Variants in CDC42BPB observed in about 807,000 individuals in gnomAD.
CDC42BPB encodes the protein CDC42 binding protein kinase beta, also known as serine/threonine-protein kinase MRCK beta.
In CDC42BPB, 37 loss-of-function variants were observed where a neutral mutation model predicts 214.9. That is an observed-to-expected ratio of 0.17 (90% CI 0.13 to 0.23). CDC42BPB has a LOEUF of 0.23. CDC42BPB is among the 10% of genes least tolerant of loss of function. The probability of loss-of-function intolerance (pLI) is 1.00; values close to 1 mark genes in which losing one functional copy is unlikely to be tolerated. For synonymous variants in CDC42BPB, 931 were observed against 884.0 expected, an observed-to-expected ratio of 1.05 and a Z score of -0.94; for missense variants, 1,694 against 2,227.0, an observed-to-expected ratio of 0.76 and a Z score of 4.82.
In CDC42BPB at chr14:102,945,737, A is replaced by G. The variant is rs1367559822; in HGVS notation, c.3749-13T>C. The G allele has an allele frequency of 1.2e-6, 2 of 1,611,902 alleles. No individual in the cohort carries two copies. The highest frequency in any genetic ancestry group is 1.7e-6 in the Non-Finnish European group (2 of 1,179,100). ...ATCCTGTCTGCATCTGTGGAGGGGT[A>G]AGTAACATACACAAAGTCAGTACAG... On this transcript the variant is annotated splice_polypyrimidine_tract_variant and intron_variant, in intron 28 of 36. Coordinates refer to ENST00000361246, the MANE Select transcript of CDC42BPB (RefSeq NM_006035.4).
At chr14:103,013,756 C>A (rs186653739) in intron 1 of CDC42BPB, among the ~76,000 whole-genome samples, 1 of 152,342 alleles carries the variant, frequency 6.6e-6, no homozygotes, top group South Asian at 2.1e-4. Flanking sequence ...CCGGAGCCTG[C>A]GAGGGACATG....
In CDC42BPB at chr14:103,057,227, G is replaced by C. The variant is rs1193447689; in HGVS notation, c.-54C>G. Reference sequence around the variant, plus strand: ...CGGCCTCTCACCGCCGGCTCGGCCAGTCCGTCAGGGCGCGCCCTCGGGGGC... The same window carrying C: ...CGGCCTCTCACCGCCGGCTCGGCCACTCCGTCAGGGCGCGCCCTCGGGGGC... On this transcript the variant is annotated 5_prime_UTR_variant, in exon 1 of 37. Transcript: ENST00000361246. 6.3e-6 allele frequency: 8 copies of C among 1,263,240 alleles called. No individual in the cohort carries two copies. Among genetic ancestry groups the C allele is most frequent in the Non-Finnish European group, 7.0e-6 (7 of 1,001,844 alleles). 78.3% of individuals were successfully genotyped at this position (1,263,240 alleles called of 1,614,324 possible). A position where few individuals can be genotyped will look rare whatever the true frequency, so the allele number is the denominator to read the frequency against.
At chr14:102,963,359 A>T (rs1409779261) in intron 19 of CDC42BPB, 2 of 890,962 alleles carry the variant, frequency 2.2e-6, no homozygotes, top group Non-Finnish European at 2.7e-6. Context: ...CAGGAATTTA[A>T]AAAGTCATGG....
Position 102,968,313 on chromosome 14 carries a change from G to A in CDC42BPB, c.2286C>T (p.Tyr762=), listed in dbSNP as rs144299645. Residue 762 remains tyrosine (Y), a synonymous_variant, in exon 16 of 37, where the codon TAC becomes TAT. Coordinates refer to ENST00000361246, the MANE Select transcript of CDC42BPB (RefSeq NM_006035.4). ...CAAACAGCATCGCTCTTTCTCGTTC[G>A]TATTTATCTTTTATTGTACCTACTG... The part of the protein sequence containing the change: ...EEAVGTIKDK[Y]ERERAMLFDE... 51 of 1,613,748 alleles carry A rather than the reference G, an allele frequency of 3.2e-5. No individual in the cohort carries two copies. The African/African-American group carries it at 4.7e-4, about 15-fold the overall frequency.
At chr14:103,044,108 G>A (rs1305886725) in intron 1 of CDC42BPB, among the ~76,000 whole-genome samples, 2 of 152,148 alleles carry the variant, frequency 1.3e-5, no homozygotes, top group Admixed American at 1.3e-4. Flanking sequence ...TTTGAATTCA[G>A]TTTCATTTTA....
intron 7 of CDC42BPB, 61 bp from the exon 8 acceptor site, chr14:102,981,082 A>C: frequency 6.2e-7 from 1 of 1,602,528 alleles, no homozygotes; most frequent in Non-Finnish European, 8.5e-7. Context: ...TTTAAGGTGT[A>C]CAGATATGAT....
chr14:102,933,519 C>G lies in CDC42BPB; in HGVS notation c.*193G>C, dbSNP rs1254310825. 2 of 480,644 alleles carry G rather than the reference C, an allele frequency of 4.2e-6. No individual in the cohort carries two copies. Among genetic ancestry groups the G allele is most frequent in the African/African-American group, 4.1e-5 (2 of 49,218 alleles). 29.8% of individuals were successfully genotyped at this position (480,644 alleles called of 1,614,324 possible). A position where few individuals can be genotyped will look rare whatever the true frequency, so the allele number is the denominator to read the frequency against. On this transcript the variant is annotated 3_prime_UTR_variant, in exon 37 of 37. Transcript: ENST00000361246. ...ATCGCCTCACAGCTGTGCAGACGAACAGATGTGGTCTACTGCCACGAACAA... is the reference window on the plus strand; with the variant it reads ...ATCGCCTCACAGCTGTGCAGACGAAGAGATGTGGTCTACTGCCACGAACAA...
intron 1 of CDC42BPB, among the ~76,000 whole-genome samples, chr14:103,049,790 T>C (rs748199095): frequency 3.9e-5 from 6 of 152,254 alleles, no homozygotes; most frequent in Non-Finnish European, 8.8e-5. Flanking sequence ...CTCGGCTCAC[T>C]GCAACCTCCG....
intron 12 of CDC42BPB, among the ~76,000 whole-genome samples, chr14:102,972,960 G>C (rs1221568198): frequency 6.6e-6 from 1 of 152,208 alleles, no homozygotes; most frequent in Non-Finnish European, 1.5e-5. Context: ...TCGCTGGACA[G>C]CCTGCCCTTC....
chr14:102,941,175 C>T, intron 30 of CDC42BPB: 1 of 985,468 alleles, frequency 1.0e-6, no homozygotes, highest in Non-Finnish European at 1.2e-6. Flanking sequence ...CTCAGCGTAG[C>T]TTGGCTCCTG....
rs1000246825 is a variant in CDC42BPB, at chr14:102,932,617, C to G, written c.*1095G>C. 2.0e-5 allele frequency: 3 copies of G among 152,350 alleles called. No homozygotes were observed. The allele number at this position is 152,350 out of a possible 1,614,324, so 9.4% of individuals were successfully genotyped here. On this transcript the variant is annotated 3_prime_UTR_variant, in exon 37 of 37. Coordinates refer to ENST00000361246, the MANE Select transcript of CDC42BPB (RefSeq NM_006035.4). ...CGTCCTGAACAGCCTTGCCAAGCAG[C>G]CGACCGGTGGGAGGACAGGGGAAGC... is the stretch of plus-strand genomic sequence containing the variant.
intron 1 of CDC42BPB, among the ~76,000 whole-genome samples, chr14:103,038,843 A>G (rs901403148): frequency 1.3e-5 from 2 of 152,052 alleles, no homozygotes; most frequent in African/African-American, 2.4e-5. Context: ...ATTATGGTAA[A>G]ATATACGTAA....
chr14:102,959,901 G>C (rs1481798419), intron 20 of CDC42BPB, 191 bp from the exon 21 acceptor site: 1 of 925,440 alleles, frequency 1.1e-6, no homozygotes, highest in African/African-American at 1.9e-5. Context: ...GAATCAAAAA[G>C]TTCACTTGAA....
At position 102,975,759 on chromosome 14, in the gene CDC42BPB, G is replaced by C; in HGVS notation, c.1432C>G (p.Leu478Val). The C allele has an allele frequency of 6.2e-7, 1 of 1,614,136 alleles. No individual in the cohort carries two copies. The highest frequency in any genetic ancestry group is 8.5e-7 in the Non-Finnish European group (1 of 1,179,986). The change falls in exon 11 of 37, where the codon CTC becomes GTC. Residue 478 changes from leucine to valine, a missense_variant. Physicochemically the swap from Leu to Val is conservative, Grantham distance 32 (BLOSUM62 1). Around this residue, in one of 7 missense-constraint regions of CDC42BPB, gnomAD observed 462 missense variants for 513.5 expected, o/e 0.90. Coordinates refer to ENST00000361246, the MANE Select transcript of CDC42BPB (RefSeq NM_006035.4). ...VQSLHGSSRA[L>V]SNSNRDKEIK... The stretch of plus-strand genomic sequence containing the variant: ...TCTTTATCTCGGTTTGAATTGCTGA[G>C]GGCCCGAGATGAGCCGTGGAGGGAC...
rs1469719693 is a variant in CDC42BPB, at chr14:102,938,401, G to A, written c.4838C>T (p.Pro1613Leu). The A allele has an allele frequency of 5.2e-6, 8 of 1,543,696 alleles. No homozygotes were observed. Among genetic ancestry groups the A allele is most frequent in the Non-Finnish European group, 6.9e-6 (8 of 1,151,600 alleles). Residue 1613 changes from proline (P) to leucine (L), a missense_variant, in exon 35 of 37, where the codon CCC becomes CTC. Physicochemically the swap from Pro to Leu is moderately conservative, Grantham distance 98. Around this residue, in one of 7 missense-constraint regions of CDC42BPB, gnomAD observed 146 missense variants for 134.1 expected, o/e 1.09. Transcript: ENST00000361246. ...GCCCGGCCTTTCCTCCTGGGAGGGG[G>A]GCACAGCACTCTGGGCAGAAATAGC... ...VLMDLPLSAV[P>L]PSQEERPGPA...
chr14:102,968,122 T>A, intron 16 of CDC42BPB, 131 bp downstream of exon 16: 1 of 642,746 alleles, frequency 1.6e-6, no homozygotes. Flanking sequence ...CTTCCAAGAC[T>A]CAAGAATGAC....
chr14:102,976,549 C>T lies in CDC42BPB; in HGVS notation c.1221-500G>A, dbSNP rs535118072. Among the ~76,000 whole-genome samples the T allele has an allele frequency of 6.6e-5, 10 of 152,362 alleles. No individual in the cohort carries two copies. The East Asian group carries it at 9.6e-4, about 15-fold the overall frequency. On this transcript the variant is annotated intron_variant, in intron 9 of 36. Coordinates refer to ENST00000361246, the MANE Select transcript of CDC42BPB (RefSeq NM_006035.4). ...GCCCCTTACCAAGGACCAGACCACT[C>T]GATGACGCACACAGCCGAGGCACAG...
At chr14:102,993,879 T>G (rs779698824) in intron 5 of CDC42BPB, among the ~76,000 whole-genome samples, 8 of 152,234 alleles carry the variant, frequency 5.3e-5, no homozygotes, top group Admixed American at 2.0e-4. Flanking sequence ...TTATTTAGAC[T>G]GGAACAAACT....
chr14:102,939,568 A>G, intron 34 of CDC42BPB, 42 bp downstream of exon 34: 1 of 1,383,392 alleles, frequency 7.2e-7, no homozygotes, highest in South Asian at 1.2e-5. Flanking sequence ...GGGGAGGAGG[A>G]GATGGGGTGC....
Sources: allele counts gnomAD v4.1 joint callset (sites outside exome capture counted in the v4.1 genomes callset), GRCh38; gene constraint gnomAD v4.1.1; regional missense constraint gnomAD v4.1.1; transcripts MANE v1.5; gene names NCBI Gene and HGNC (gene_info 2026-07-23, HGNC 2026-07-21).